ARAP1: variants seen among roughly 807,000 people sequenced by gnomAD.
The protein encoded by ARAP1 is ArfGAP with RhoGAP domain, ankyrin repeat and PH domain 1.
ARAP1 carries 76 observed loss-of-function variants against 172.2 expected under a neutral mutation model. The ratio of observed to expected loss-of-function variants is 0.44; its 90% CI spans 0.37 to 0.53. The LOEUF is 0.53. Ranked by LOEUF, ARAP1 falls within the 20% of genes least tolerant of loss-of-function variation. ARAP1 has a pLI of 0.00. For synonymous variants in ARAP1, 804 were observed against 803.3 expected (o/e 1.00, Z -0.01); for missense variants, 1,686 against 1,977.5 (o/e 0.85, Z 2.80).
At chr11:72,703,187 A>C (rs1479172785) in intron 14 of ARAP1, 108 bp from the exon 15 acceptor site, 1 of 1,130,604 alleles carries the variant, frequency 8.8e-7, no homozygotes, top group Non-Finnish European at 1.2e-6. Context: ...CCAGGCCTGG[A>C]GCAGTCCATC....
Position 72,685,541 on chromosome 11 carries a change from G to A in ARAP1, c.*123C>T. On this transcript the variant is annotated 3_prime_UTR_variant, in exon 35 of 35. Transcript: ENST00000393609. Reference sequence around the variant, plus strand: ...TGCTGCAGTCAGGATGGAGGATGTGGGTTGTGGGGTGCAGTTTCCCATGCA... The same window carrying A: ...TGCTGCAGTCAGGATGGAGGATGTGAGTTGTGGGGTGCAGTTTCCCATGCA... The A allele has an allele frequency of 7.4e-7, 1 of 1,347,364 alleles. No homozygotes were observed. Among genetic ancestry groups the A allele is most frequent in the Non-Finnish European group, 1.1e-6 (1 of 943,226 alleles). The allele number at this position is 1,347,364 out of a possible 1,614,324, so 83.5% of individuals were successfully genotyped here.
chr11:72,744,162 G>GTCACCATCTGTGACTGTGTC (rs1858285898), intron 1 of ARAP1, among the ~76,000 whole-genome samples: 1 of 150,412 alleles, frequency 6.6e-6, no homozygotes, highest in Admixed American at 6.6e-5. Flanking sequence ...GTGACTGTGT[G>GTCACCATCTGTGACTGTGTC]TGTCACCATC....
At chr11:72,706,435 CCACCACCTGGGCTA>C (rs1363132444) in intron 12 of ARAP1, among the ~76,000 whole-genome samples, 7 of 152,230 alleles carry the variant, frequency 4.6e-5, no homozygotes, top group African/African-American at 1.7e-4. Context: ...CAGCCCACAG[CCACCACCTGGGCTA>C]CGTCAGCTCC....
At chr11:72,727,602 C>T (rs995967396) in intron 2 of ARAP1, among the ~76,000 whole-genome samples, 24 of 152,204 alleles carry the variant, frequency 1.6e-4, no homozygotes, top group African/African-American at 5.8e-4. Flanking sequence ...CAGTGAGGGC[C>T]AGGCCAAGGG....
rs561992886 is a variant in ARAP1, at chr11:72,697,743, C to T, written c.2738-94G>A. 2.1e-3 allele frequency: 3,289 copies of T among 1,564,262 alleles called. 92 individuals carry two copies. In the South Asian group the frequency reaches 0.036, roughly 17 times the overall value. On this transcript the variant is annotated intron_variant, in intron 19 of 34. Coordinates refer to ENST00000393609, the MANE Select transcript of ARAP1 (RefSeq NM_001040118.3). Reference sequence around the variant, plus strand: ...TGAGCACACACACACCCTTGAGACCCGCCCACCAATGTATGGGGTGGCTGA... The same window carrying T: ...TGAGCACACACACACCCTTGAGACCTGCCCACCAATGTATGGGGTGGCTGA...
In ARAP1 at chr11:72,701,681, C is replaced by T. The variant is rs777581670; in HGVS notation, c.2270G>A (p.Gly757Asp). The change falls in exon 16 of 35, where the codon GGC becomes GAC. Residue 757 changes from glycine to aspartate, a missense_variant. Physicochemically the swap from Gly to Asp is moderately conservative, Grantham distance 94 (BLOSUM62 -1). This residue lies in a region of ARAP1 where 688 missense variants were observed against 856.9 expected (regional missense o/e 0.80). Transcript: ENST00000393609. ...GGCCCGGCGGTCCTGTAGCAGCTTG[C>T]CGGCAGAGGCAGTCTTGTAGAGGAA... is the stretch of plus-strand genomic sequence containing the variant. ...SGFLYKTASA[G>D]KLLQDRRARE... The T allele has an allele frequency of 6.2e-7, 1 of 1,613,692 alleles. No homozygotes were observed. Among genetic ancestry groups the T allele is most frequent in the Non-Finnish European group, 8.5e-7 (1 of 1,179,778 alleles).
At position 72,714,339 on chromosome 11, in the gene ARAP1, G is replaced by T. The variant is rs370805447; in HGVS notation, c.510-18C>A. The T allele has an allele frequency of 4.3e-4, 661 of 1,543,696 alleles. No individual in the cohort carries two copies. The highest frequency in any genetic ancestry group is 5.4e-4 in the Non-Finnish European group (613 of 1,143,650). The stretch of plus-strand genomic sequence containing the variant: ...TGGGCAGGCTGGGAACACAACAAAA[G>T]TTGGGCATCACTAAGCAACAGAGCC... On this transcript the variant is annotated intron_variant, in intron 3 of 34. Coordinates refer to ENST00000393609, the MANE Select transcript of ARAP1 (RefSeq NM_001040118.3).
chr11:72,718,500 G>A (rs190002243), intron 3 of ARAP1, among the ~76,000 whole-genome samples: 187 of 151,950 alleles, frequency 1.2e-3, no homozygotes, highest in Non-Finnish European at 2.3e-3. Context: ...GTAGCCCACA[G>A]AAGCCCACCT....
intron 8 of ARAP1, 54 bp downstream of exon 8, chr11:72,711,376 T>G: frequency 6.4e-7 from 1 of 1,573,620 alleles, no homozygotes; most frequent in Non-Finnish European, 8.7e-7. Flanking sequence ...GCTCCAGTGT[T>G]GGGGCCAGCC....
At position 72,686,458 on chromosome 11, in the gene ARAP1, C is replaced by T. The variant is rs556171587; in HGVS notation, c.4186-267G>A. Among the ~76,000 whole-genome samples the T allele has an allele frequency of 5.3e-5, 8 of 152,326 alleles. No homozygotes were observed. In the South Asian group the frequency reaches 1.4e-3, roughly 28 times the overall value. ...AGAAAACATTTCTCTTAGAGGAACA[C>T]GTCTGCACCCCATCTTAGGAATCGG... On this transcript the variant is annotated intron_variant, in intron 33 of 34. Transcript: ENST00000393609.
intron 27 of ARAP1, among the ~76,000 whole-genome samples, chr11:72,694,141 C>T (rs920384600): frequency 2.6e-5 from 4 of 151,842 alleles, no homozygotes; most frequent in African/African-American, 9.7e-5. Flanking sequence ...CCCCTCCTCC[C>T]TCTCCCAATC....
At position 72,695,035 on chromosome 11, in the gene ARAP1, G is replaced by GCCCA; in HGVS notation, c.3635_3638dup (p.Ile1214GlyfsTer12). The GCCCA allele has an allele frequency of 6.2e-7, 1 of 1,614,110 alleles. No individual in the cohort carries two copies. Among genetic ancestry groups the GCCCA allele is most frequent in the Non-Finnish European group, 8.5e-7 (1 of 1,180,012 alleles). ...AGGTCCAATAGTCCTTCTCCCTGATGCCCACGTTCCGGCGATCCAGGATCT... is the reference window on the plus strand; with the variant it reads ...AGGTCCAATAGTCCTTCTCCCTGATGCCCACCCACGTTCCGGCGATCCAGGATCT... On this transcript the variant is annotated frameshift_variant, in exon 27 of 35. Transcript: ENST00000393609. LOFTEE classifies it high-confidence loss of function. The surrounding 1 kb of genome is among the most constrained non-coding windows in gnomAD (Gnocchi z 4.4).
intron 27 of ARAP1, among the ~76,000 whole-genome samples, chr11:72,694,316 C>A (rs944894625): frequency 2.0e-5 from 3 of 151,884 alleles, no homozygotes; most frequent in Non-Finnish European, 2.9e-5. Context: ...CACTAGCCCT[C>A]CGATGGTCTT....
At chr11:72,730,719 G>A (rs1411972172) in intron 2 of ARAP1, among the ~76,000 whole-genome samples, 1 of 152,192 alleles carries the variant, frequency 6.6e-6, no homozygotes, top group Non-Finnish European at 1.5e-5. Context: ...CAGAGATGCA[G>A]ATGGCTGACC....
In ARAP1 at chr11:72,712,729, C is replaced by T. The variant is rs750279570; in HGVS notation, c.748-161G>A. 21 of 1,172,942 alleles carry T rather than the reference C, an allele frequency of 1.8e-5. No homozygotes were observed. In the East Asian group the frequency reaches 2.9e-4, roughly 16 times the overall value. 72.7% of individuals were successfully genotyped at this position (1,172,942 alleles called of 1,614,324 possible). ...CCCCTCCCCCTGCCAGCGGAGACCA[C>T]ACAGAGACCCAGATCACAGGGACAG... is the stretch of plus-strand genomic sequence containing the variant. On this transcript the variant is annotated intron_variant, in intron 5 of 34. Transcript: ENST00000393609.
At chr11:72,721,500 G>C (rs1252322803) in intron 3 of ARAP1, among the ~76,000 whole-genome samples, 1 of 152,096 alleles carries the variant, frequency 6.6e-6, no homozygotes, top group Admixed American at 6.5e-5. Flanking sequence ...GGCCCCCAAG[G>C]GGCAAGAACC....
chr11:72,747,374 T>C (rs1858399389), intron 1 of ARAP1, among the ~76,000 whole-genome samples: 1 of 152,210 alleles, frequency 6.6e-6, no homozygotes, highest in Non-Finnish European at 1.5e-5. Context: ...CTCTGGGCTC[T>C]AGAACCATGT....
chr11:72,698,916 CG>C, intron 18 of ARAP1, 88 bp downstream of exon 18: 1 of 1,345,974 alleles, frequency 7.4e-7, no homozygotes, highest in Non-Finnish European at 1.1e-6. Context: ...GCTCTCTAGA[CG>C]GGGGAGCTGG....
intron 4 of ARAP1, 152 bp from the exon 5 acceptor site, chr11:72,713,395 G>T: frequency 3.0e-6 from 2 of 672,812 alleles, no homozygotes; most frequent in South Asian, 1.8e-5. Context: ...GACAGGAAGT[G>T]CGATTTATAC....
Sources: gnomAD v4.1 joint callset for allele counts (sites outside exome capture counted in the v4.1 genomes callset) on GRCh38, gnomAD v4.1.1 for gene constraint, gnomAD v4.1.1 regional missense constraint, Gnocchi (gnomAD v3.1) non-coding constraint, MANE v1.5 for transcripts, NCBI Gene and HGNC (gene_info 2026-07-23, HGNC 2026-07-21) for gene names.